The following PLB1 variants were observed in gnomAD, a reference collection of about 807,000 sequenced individuals.
PLB1 encodes the protein phospholipase B1, membrane-associated.
A neutral mutation model predicts 227.4 loss-of-function variants in PLB1; 242 were observed. The observed-to-expected ratio is 1.06, with a 90% CI of 0.96 to 1.18. PLB1 has a LOEUF of 1.18. PLB1 is among the 50% of genes most tolerant of loss of function. The pLI is 0.00. For missense variants in PLB1, 1,858 were observed against 1,816.3 expected (o/e 1.02, Z -0.42); for synonymous variants, 757 against 682.2 (o/e 1.11, Z -1.71).
chr2:28,597,456 G>A (rs1424892255), intron 33 of PLB1, among the ~76,000 whole-genome samples: 2 of 152,134 alleles, frequency 1.3e-5, no homozygotes, highest in Non-Finnish European at 2.9e-5. Context: ...AAAATAGGGT[G>A]TACCTTGAAG....
intron 4 of PLB1, among the ~76,000 whole-genome samples, chr2:28,520,600 C>T (rs1054066477): frequency 6.6e-6 from 1 of 152,168 alleles, no homozygotes; most frequent in African/African-American, 2.4e-5. Context: ...GAAATAACAT[C>T]TCATTCTCCT....
At chr2:28,609,389 C>T (rs13005088) in intron 43 of PLB1, among the ~76,000 whole-genome samples, 10,779 of 151,936 alleles carry the variant, frequency 0.071, 536 homozygotes, top group Non-Finnish European at 0.11. Flanking sequence ...TACATTTCCC[C>T]TTGGATGCTC....
chr2:28,528,267 C>G (rs1670538443), intron 6 of PLB1, among the ~76,000 whole-genome samples: 1 of 152,188 alleles, frequency 6.6e-6, no homozygotes, highest in African/African-American at 2.4e-5. Context: ...CCCCGAGGCA[C>G]TTCTGGATGG....
chr2:28,530,806 C>T (rs1423123004), intron 8 of PLB1, among the ~76,000 whole-genome samples: 3 of 152,228 alleles, frequency 2.0e-5, no homozygotes, highest in African/African-American at 7.2e-5. Context: ...GAAGGTCATT[C>T]TAAGGCATAT....
In PLB1 at chr2:28,592,587, T is replaced by C; in HGVS notation, c.2189-74T>C. 3 of 1,465,654 alleles carry C rather than the reference T, an allele frequency of 2.0e-6. No homozygotes were observed. The South Asian group carries it at 3.4e-5, about 17-fold the overall frequency. 90.8% of individuals were successfully genotyped at this position (1,465,654 alleles called of 1,614,324 possible). A position where few individuals can be genotyped will look rare whatever the true frequency, so the allele number is the denominator to read the frequency against. ...ATGCAGATTGTGTTTTGGATCTTGCTTGAAGCCAGAGGCACTAGAGTGTGA... is the reference window on the plus strand; with the variant it reads ...ATGCAGATTGTGTTTTGGATCTTGCCTGAAGCCAGAGGCACTAGAGTGTGA... On this transcript the variant is annotated intron_variant, in intron 31 of 57. Coordinates refer to ENST00000327757, the MANE Select transcript of PLB1 (RefSeq NM_153021.5).
At chr2:28,635,182 T>A (rs1443018879) in intron 56 of PLB1, among the ~76,000 whole-genome samples, 1 of 152,348 alleles carries the variant, frequency 6.6e-6, no homozygotes, top group Non-Finnish European at 1.5e-5. Context: ...GGGTTTCTTA[T>A]CCTAGGCTCT....
chr2:28,520,497 G>A (rs1263458701), intron 4 of PLB1, among the ~76,000 whole-genome samples: 1 of 152,146 alleles, frequency 6.6e-6, no homozygotes, highest in East Asian at 1.9e-4. Context: ...CCATCTGTAA[G>A]TGTATAGTTC....
At chr2:28,526,343 C>T (rs990164243) in intron 6 of PLB1, among the ~76,000 whole-genome samples, 9 of 151,908 alleles carry the variant, frequency 5.9e-5, no homozygotes, top group Admixed American at 2.0e-4. Context: ...AGGACCCAGC[C>T]GAATTTCCAG....
At chr2:28,549,900 T>G in intron 15 of PLB1, 110 bp from the exon 16 acceptor site, 1 of 816,462 alleles carries the variant, frequency 1.2e-6, no homozygotes, top group South Asian at 1.6e-5. Context: ...ACTGGAAGCG[T>G]GATGTGAATG....
intron 35 of PLB1, among the ~76,000 whole-genome samples, chr2:28,599,796 A>G (rs1038383797): frequency 1.3e-5 from 2 of 151,140 alleles, no homozygotes; most frequent in Admixed American, 1.3e-4. Flanking sequence ...TTGTATTTTT[A>G]GTAGAGATAG....
intron 6 of PLB1, 69 bp from the exon 7 acceptor site, chr2:28,529,248 G>A: frequency 2.8e-6 from 3 of 1,061,904 alleles, no homozygotes; most frequent in South Asian, 2.6e-5. Context: ...CCTGGCAGTA[G>A]GTAGGTCAGT....
rs1040526154 is a variant in PLB1, at chr2:28,541,120, C to T, written c.775-587C>T. Among the ~76,000 whole-genome samples the T allele has an allele frequency of 6.6e-5, 10 of 151,946 alleles. No individual in the cohort carries two copies. In the East Asian group the frequency reaches 1.2e-3, roughly 18 times the overall value. ...TTGGCAGGTGGAGGTTGCAGTGAGC[C>T]GAGATCGCACCACTGCACTCCAGCC... On this transcript the variant is annotated intron_variant, in intron 12 of 57. Transcript: ENST00000327757.
intron 51 of PLB1, among the ~76,000 whole-genome samples, chr2:28,626,904 C>T (rs868211060): frequency 1.3e-5 from 2 of 152,184 alleles, no homozygotes; most frequent in Non-Finnish European, 2.9e-5. Flanking sequence ...TTGGATGGGT[C>T]ATCACGAGTT....
chr2:28,526,355 C>T (rs1365451594), intron 6 of PLB1, among the ~76,000 whole-genome samples: 1 of 152,070 alleles, frequency 6.6e-6, no homozygotes, highest in Non-Finnish European at 1.5e-5. Context: ...AATTTCCAGT[C>T]TATTTTATCC....
intron 32 of PLB1, 85 bp from the exon 33 acceptor site, chr2:28,593,596 C>G: frequency 8.6e-7 from 1 of 1,159,522 alleles, no homozygotes; most frequent in Non-Finnish European, 1.3e-6. Flanking sequence ...CATTGGGAAC[C>G]CCCTCTTTGG....
chr2:28,598,538 A>C, intron 34 of PLB1, 114 bp from the exon 35 acceptor site: 1 of 779,236 alleles, frequency 1.3e-6, no homozygotes. Context: ...TCTCCCCAGG[A>C]AGCATGAGGA....
intron 2 of PLB1, 33 bp downstream of exon 2, chr2:28,516,902 TA>T: frequency 6.3e-7 from 1 of 1,599,372 alleles, no homozygotes; most frequent in East Asian, 2.2e-5. Context: ...GGTGCGTGTG[TA>T]TGGAGGGGAG....
intron 20 of PLB1, 133 bp downstream of exon 20, chr2:28,566,972 G>A: frequency 1.0e-6 from 1 of 980,062 alleles, no homozygotes; most frequent in Non-Finnish European, 1.5e-6. Flanking sequence ...AGGGGGCGCT[G>A]CCTCCCGAGA....
chr2:28,621,196 G>A (rs148191894), intron 49 of PLB1, among the ~76,000 whole-genome samples: 1 of 152,272 alleles, frequency 6.6e-6, no homozygotes, highest in East Asian at 1.9e-4. Flanking sequence ...TATCCAGCAA[G>A]TTATCAGAGG....
Sources: allele counts gnomAD v4.1 joint callset (sites outside exome capture counted in the v4.1 genomes callset), GRCh38; gene constraint gnomAD v4.1.1; transcripts MANE v1.5; gene names NCBI Gene and HGNC (gene_info 2026-07-23, HGNC 2026-07-21).